Variants in ZHX2 observed in about 807,000 individuals in gnomAD.
The protein encoded by ZHX2 is zinc fingers and homeoboxes 2, also known as zinc fingers and homeoboxes protein 2.
A neutral mutation model predicts 21.9 loss-of-function variants in ZHX2; 6 were observed. The ratio of observed to expected loss-of-function variants is 0.27; its 90% CI spans 0.15 to 0.54. The LOEUF is 0.54. ZHX2 is among the 20% of genes least tolerant of loss of function. The probability of loss-of-function intolerance (pLI) is 0.95; values close to 1 mark genes in which losing one functional copy is unlikely to be tolerated. For synonymous variants in ZHX2, 434 were observed against 437.1 expected, an observed-to-expected ratio of 0.99 and a Z score of 0.09; for missense variants, 908 against 1,090.7, an observed-to-expected ratio of 0.83 and a Z score of 2.36.
At chr8:122,800,706 A>G (rs1312719521) in intron 1 of ZHX2, among the ~76,000 whole-genome samples, 1 of 152,224 alleles carries the variant, frequency 6.6e-6, no homozygotes, top group African/African-American at 2.4e-5. Context: ...TGATTTAATC[A>G]TGAGAATAGC....
chr8:122,796,340 C>A (rs1275715158), intron 1 of ZHX2, among the ~76,000 whole-genome samples: 1 of 152,182 alleles, frequency 6.6e-6, no homozygotes, highest in Non-Finnish European at 1.5e-5. Flanking sequence ...ACTAACACAG[C>A]CTCTCATCCT....
chr8:122,961,533 G>A (rs1465881245), intron 3 of ZHX2, among the ~76,000 whole-genome samples: 1 of 152,152 alleles, frequency 6.6e-6, no homozygotes, highest in African/African-American at 2.4e-5. Context: ...AAGGAAAGAG[G>A]TTTAATTGAC....
chr8:122,835,698 C>A lies in ZHX2; in HGVS notation c.-282-27779C>A, dbSNP rs138154034. Among the ~76,000 whole-genome samples, 118 of 152,180 alleles carry A rather than the reference C, an allele frequency of 7.8e-4. 1 individual carries two copies. The highest frequency in any genetic ancestry group is 2.6e-3 in the African/African-American group (106 of 41,508). On this transcript the variant is annotated intron_variant, in intron 1 of 3. Coordinates refer to ENST00000314393, the MANE Select transcript of ZHX2 (RefSeq NM_014943.5). Reference sequence around the variant, plus strand: ...GTAGGGTCGGGAAGAGAAAGGCGATCAGGGTGGCAAGAATGGAGAAGGATT... The same window carrying A: ...GTAGGGTCGGGAAGAGAAAGGCGATAAGGGTGGCAAGAATGGAGAAGGATT...
At chr8:122,821,296 G>A (rs1020943474) in intron 1 of ZHX2, among the ~76,000 whole-genome samples, 1 of 152,180 alleles carries the variant, frequency 6.6e-6, no homozygotes, top group Non-Finnish European at 1.5e-5. Flanking sequence ...GCTGGGATGG[G>A]ATACAATGGA....
intron 2 of ZHX2, among the ~76,000 whole-genome samples, chr8:122,888,424 T>G (rs553896082): frequency 1.8e-4 from 27 of 152,122 alleles, no homozygotes; most frequent in Non-Finnish European, 3.1e-4. Context: ...AGATTCAAAA[T>G]CCTCTCTGCT....
intron 2 of ZHX2, among the ~76,000 whole-genome samples, chr8:122,904,718 A>G (rs1820307533): frequency 1.3e-5 from 2 of 152,334 alleles, no homozygotes; most frequent in East Asian, 3.9e-4. Context: ...GCTAAAACAG[A>G]AAGTTTAGAT....
rs59071295 is a variant in ZHX2, at chr8:122,870,638, C to CAA, written c.-220+7126_-220+7127dup. Among the ~76,000 whole-genome samples the CAA allele has an allele frequency of 1.1e-3, 69 of 63,892 alleles. 1 individual carries two copies. Among genetic ancestry groups the CAA allele is most frequent in the Admixed American group, 3.1e-3 (13 of 4,236 alleles). 41.9% of individuals were successfully genotyped at this position (63,892 alleles called of 152,430 possible). The stretch of plus-strand genomic sequence containing the variant: ...TGGGTGACAGAGCAAGTCTCTGTCT[C>CAA]AAAAAAAAAAAAAAAAAAAAAAAAA... On this transcript the variant is annotated intron_variant, in intron 2 of 3. Coordinates refer to ENST00000314393, the MANE Select transcript of ZHX2 (RefSeq NM_014943.5).
At chr8:122,947,340 A>C (rs779986964) in intron 2 of ZHX2, among the ~76,000 whole-genome samples, 9 of 152,070 alleles carry the variant, frequency 5.9e-5, no homozygotes, top group Non-Finnish European at 1.2e-4. Context: ...ACTTCCTATG[A>C]TAGAAATGTC....
At chr8:122,903,899 A>T (rs1820288469) in intron 2 of ZHX2, among the ~76,000 whole-genome samples, 1 of 152,118 alleles carries the variant, frequency 6.6e-6, no homozygotes, top group African/African-American at 2.4e-5. Flanking sequence ...CTTCCAAGAA[A>T]ATGGAGTAAA....
At chr8:122,860,111 G>A (rs1032759118) in intron 1 of ZHX2, among the ~76,000 whole-genome samples, 1 of 152,204 alleles carries the variant, frequency 6.6e-6, no homozygotes, top group Non-Finnish European at 1.5e-5. Flanking sequence ...GGAAGGGGAA[G>A]CAAGGCACCT....
At chr8:122,811,030 G>C (rs760757573) in intron 1 of ZHX2, among the ~76,000 whole-genome samples, 22 of 152,176 alleles carry the variant, frequency 1.4e-4, no homozygotes, top group African/African-American at 4.6e-4. Context: ...CCTGTTACCT[G>C]ACCAGGTTCA....
At chr8:122,805,723 A>G (rs1344777584) in intron 1 of ZHX2, among the ~76,000 whole-genome samples, 4 of 151,712 alleles carry the variant, frequency 2.6e-5, no homozygotes, top group Admixed American at 2.6e-4. Context: ...CTCTACAAAC[A>G]TTGACATCGA....
At chr8:122,965,127 GT>G (rs1430584268) in intron 3 of ZHX2, among the ~76,000 whole-genome samples, 2 of 144,354 alleles carry the variant, frequency 1.4e-5, no homozygotes, top group African/African-American at 5.2e-5. Flanking sequence ...CTTTTGAGTT[GT>G]TTTTTTCTTT....
chr8:122,861,911 T>C (rs1051686115), intron 1 of ZHX2, among the ~76,000 whole-genome samples: 3 of 152,078 alleles, frequency 2.0e-5, no homozygotes. Flanking sequence ...CTGGGGCGCC[T>C]CCTCCCGCCG....
At chr8:122,802,217 C>G (rs1390947931) in intron 1 of ZHX2, among the ~76,000 whole-genome samples, 1 of 152,194 alleles carries the variant, frequency 6.6e-6, no homozygotes. Flanking sequence ...GTGTGTACCA[C>G]CACCCCAGCT....
chr8:122,950,336 C>T (rs1445264439), intron 2 of ZHX2, among the ~76,000 whole-genome samples: 1 of 152,122 alleles, frequency 6.6e-6, no homozygotes. Context: ...GAAAACCAAA[C>T]ACCACATGTT....
chr8:122,920,788 A>G (rs576464511), intron 2 of ZHX2, among the ~76,000 whole-genome samples: 107 of 152,314 alleles, frequency 7.0e-4, no homozygotes, highest in African/African-American at 2.4e-3. Context: ...GGGAAGCACA[A>G]GGGCAGGATC....
At chr8:122,888,545 G>T (rs1209946762) in intron 2 of ZHX2, among the ~76,000 whole-genome samples, 1 of 152,016 alleles carries the variant, frequency 6.6e-6, no homozygotes, top group Non-Finnish European at 1.5e-5. Flanking sequence ...GCAGTGGTGC[G>T]ATCTTGGCTC....
intron 2 of ZHX2, among the ~76,000 whole-genome samples, chr8:122,949,616 C>A (rs560986387): frequency 6.6e-6 from 1 of 152,128 alleles, no homozygotes; most frequent in African/African-American, 2.4e-5. Context: ...GACAGCAGCA[C>A]GTGGATAACT....
Sources: allele counts gnomAD v4.1 joint callset (sites outside exome capture counted in the v4.1 genomes callset), GRCh38; gene constraint gnomAD v4.1.1; transcripts MANE v1.5; gene names NCBI Gene and HGNC (gene_info 2026-07-23, HGNC 2026-07-21).